The following CCDC69 variants were observed in gnomAD, a reference collection of about 807,000 sequenced individuals.
CCDC69 encodes the protein coiled-coil domain-containing protein 69.
In CCDC69, 38 loss-of-function variants were observed where a neutral mutation model predicts 40.3. The ratio of observed to expected loss-of-function variants is 0.94; its 90% CI spans 0.73 to 1.24. CCDC69 has a LOEUF of 1.24. Among genes scored for constraint, CCDC69 ranks in the 50% most tolerant of loss-of-function variants. The probability of loss-of-function intolerance (pLI) is 0.00; values close to 1 mark genes in which losing one functional copy is unlikely to be tolerated. For missense variants in CCDC69, 389 were observed against 357.9 expected, an observed-to-expected ratio of 1.09 and a Z score of -0.70; for synonymous variants, 141 against 138.9, an observed-to-expected ratio of 1.02 and a Z score of -0.11.
At chr5:151,223,882 C>T (rs1297237392) in intron 1 of CCDC69, 41 bp downstream of exon 1, 1 of 1,584,780 alleles carries the variant, frequency 6.3e-7, no homozygotes, top group Non-Finnish European at 8.6e-7. Context: ...TCCGCACTCC[C>T]CTCTCCTCTG....
chr5:151,191,297 C>T (rs970114245), intron 4 of CCDC69, among the ~76,000 whole-genome samples: 8 of 152,164 alleles, frequency 5.3e-5, no homozygotes, highest in Non-Finnish European at 1.0e-4. Context: ...GACTTCAACA[C>T]TCCTCAGCAT....
intron 1 of CCDC69, among the ~76,000 whole-genome samples, chr5:151,208,309 C>T (rs1022203145): frequency 6.6e-6 from 1 of 152,148 alleles, no homozygotes; most frequent in African/African-American, 2.4e-5. Flanking sequence ...AAATGTTCGA[C>T]AAAAATTATT....
At chr5:151,215,612 C>T in intron 1 of CCDC69, 1 of 417,392 alleles carries the variant, frequency 2.4e-6, no homozygotes, top group Non-Finnish European at 5.0e-6. Context: ...GGGTGAGAAC[C>T]TGGAGCCCTC....
At chr5:151,208,718 T>C (rs982264789) in intron 1 of CCDC69, among the ~76,000 whole-genome samples, 2 of 152,260 alleles carry the variant, frequency 1.3e-5, no homozygotes, top group African/African-American at 2.4e-5. Context: ...CATAAATGGT[T>C]GTCTCTTCCT....
At chr5:151,223,524 G>A (rs1753168100) in intron 1 of CCDC69, among the ~76,000 whole-genome samples, 1 of 152,264 alleles carries the variant, frequency 6.6e-6, no homozygotes, top group Non-Finnish European at 1.5e-5. Context: ...TCTTCGAGCA[G>A]CCCTGAGATT....
At position 151,184,327 on chromosome 5, in the gene CCDC69, G is replaced by A. The variant is rs748293645; in HGVS notation, c.713+17C>T. The A allele has an allele frequency of 3.8e-6, 6 of 1,598,076 alleles. No homozygotes were observed. The highest frequency in any genetic ancestry group is 4.3e-6 in the Non-Finnish European group (5 of 1,166,344). ...AAAGGGTGGGGATGGGAGTAAAGGA[G>A]GCAGGAAGACAGCTACCTTGACAGG... On this transcript the variant is annotated intron_variant, in intron 8 of 8. Coordinates refer to ENST00000355417, the MANE Select transcript of CCDC69 (RefSeq NM_015621.3).
chr5:151,188,966 C>A (rs539569616), intron 4 of CCDC69, among the ~76,000 whole-genome samples: 1 of 152,254 alleles, frequency 6.6e-6, no homozygotes, highest in South Asian at 2.1e-4. Flanking sequence ...TTTAGACAAA[C>A]CCAGAATCTC....
intron 4 of CCDC69, among the ~76,000 whole-genome samples, chr5:151,193,730 A>G (rs1582041661): frequency 6.6e-6 from 1 of 152,314 alleles, no homozygotes; most frequent in South Asian, 2.1e-4. Context: ...AGTATAATCA[A>G]AGAAAAAAAT....
intron 4 of CCDC69, among the ~76,000 whole-genome samples, chr5:151,197,044 T>C (rs1465554860): frequency 3.3e-5 from 5 of 152,206 alleles, no homozygotes; most frequent in African/African-American, 4.8e-5. Flanking sequence ...AGAAACAAAG[T>C]GTAGATGCAT....
intron 1 of CCDC69, among the ~76,000 whole-genome samples, chr5:151,221,848 G>A (rs1019435874): frequency 3.9e-5 from 6 of 152,278 alleles, no homozygotes; most frequent in African/African-American, 1.4e-4. Context: ...GGGGCTGGTA[G>A]CCTGTTGGGG....
intron 1 of CCDC69, among the ~76,000 whole-genome samples, chr5:151,208,053 T>C (rs978080294): frequency 2.0e-5 from 3 of 151,972 alleles, no homozygotes; most frequent in Non-Finnish European, 4.4e-5. Flanking sequence ...GAGTTCGAGA[T>C]CAACCTGACC....
Position 151,182,940 on chromosome 5 carries a change from G to A in CCDC69, c.*497C>T. 2.4e-6 allele frequency: 1 copy of A among 425,134 alleles called. No homozygotes were observed. The highest frequency in any genetic ancestry group is 1.7e-5 in the South Asian group (1 of 59,590). The allele number at this position is 425,134 out of a possible 1,614,324, so 26.3% of individuals were successfully genotyped here. On this transcript the variant is annotated 3_prime_UTR_variant, in exon 9 of 9. Coordinates refer to ENST00000355417, the MANE Select transcript of CCDC69 (RefSeq NM_015621.3). ...TCAGACAATCCTAGAATGGGACACT[G>A]CAGTGACATAAGAGTCCTTTGACCA...
intron 2 of CCDC69, among the ~76,000 whole-genome samples, chr5:151,204,324 C>T (rs1306617789): frequency 3.9e-5 from 6 of 152,136 alleles, no homozygotes; most frequent in Non-Finnish European, 8.8e-5. Flanking sequence ...CAAGAGCCAC[C>T]GCACCTGGCC....
rs143410727 is a variant in CCDC69, at chr5:151,197,302, C to T, written c.319+1695G>A. Among the ~76,000 whole-genome samples, 37 of 152,140 alleles carry T rather than the reference C, an allele frequency of 2.4e-4. No individual in the cohort carries two copies. In the East Asian group the frequency reaches 6.4e-3, roughly 26 times the overall value. The stretch of plus-strand genomic sequence containing the variant: ...CAGCACTTTGGGAGGCCGAGGTGGG[C>T]GGATCACTTGAGCCCAGGAGTTTGA... On this transcript the variant is annotated intron_variant, in intron 4 of 8. Transcript: ENST00000355417.
At chr5:151,221,426 T>C (rs153466) in intron 1 of CCDC69, among the ~76,000 whole-genome samples, 34,895 of 152,168 alleles carry the variant, frequency 0.23, 4,789 homozygotes, top group East Asian at 0.46. Flanking sequence ...AAACCCTTCC[T>C]GCATCTCTCA....
rs182369956 is a variant in CCDC69 at position 151,218,628 on chromosome 5, G to C, written c.48+5295C>G. On this transcript the variant is annotated intron_variant, in intron 1 of 8. Transcript: ENST00000355417. Reference sequence around the variant, plus strand: ...GATCTATGCACCCTGAGATGTCAGGGGGCAGCCCCTCCTAACCAGAGTTTC... The same window carrying C: ...GATCTATGCACCCTGAGATGTCAGGCGGCAGCCCCTCCTAACCAGAGTTTC... 2.7e-3 allele frequency among the ~76,000 whole-genome samples: 418 copies of C among 152,318 alleles called. 3 individuals are homozygous for C. The highest frequency in any genetic ancestry group is 9.7e-3 in the African/African-American group (404 of 41,562).
Position 151,223,870 on chromosome 5 carries a change from A to C in CCDC69, c.48+53T>G. 6 of 1,563,390 alleles carry C rather than the reference A, an allele frequency of 3.8e-6. No homozygotes were observed. In the South Asian group the frequency reaches 5.6e-5, roughly 15 times the overall value. ...GCGCCGAGTCCTCTGCGGCGGAGCG[A>C]TTCCGCACTCCCCTCTCCTCTGAAA... On this transcript the variant is annotated intron_variant, in intron 1 of 8. Transcript: ENST00000355417.
At chr5:151,220,404 A>G (rs1753116551) in intron 1 of CCDC69, among the ~76,000 whole-genome samples, 1 of 152,208 alleles carries the variant, frequency 6.6e-6, no homozygotes, top group African/African-American at 2.4e-5. Flanking sequence ...TGGATCTTCC[A>G]TGTAGTCAGG....
In CCDC69 at chr5:151,187,419, G is replaced by T; in HGVS notation, c.360C>A (p.Thr120=). The T allele has an allele frequency of 2.5e-6, 4 of 1,614,040 alleles. No individual in the cohort carries two copies. The African/African-American group carries it at 5.3e-5, about 22-fold the overall frequency. The change falls in exon 5 of 9, where the codon ACC becomes ACA. Residue 120 remains threonine (T), a synonymous_variant. Coordinates refer to ENST00000355417, the MANE Select transcript of CCDC69 (RefSeq NM_015621.3). ...TAGAACTGGCCTCCCGGAAAGAGTG[G>T]GTAAGCGCTTCTTTCTCCTGTTCAT... ...ASYEQEKEAL[T]HSFREASSTQ...
Sources: gnomAD v4.1 joint callset for allele counts (sites outside exome capture counted in the v4.1 genomes callset) on GRCh38, gnomAD v4.1.1 for gene constraint, MANE v1.5 for transcripts, NCBI Gene and HGNC (gene_info 2026-07-23, HGNC 2026-07-21) for gene names.